SUCLG2: variants seen among roughly 807,000 people sequenced by gnomAD.
The protein encoded by SUCLG2 is succinate-CoA ligase GDP-forming subunit beta, also known as succinate--CoA ligase [GDP-forming] subunit beta, mitochondrial.
A neutral mutation model predicts 47.9 loss-of-function variants in SUCLG2; 42 were observed. The observed-to-expected ratio is 0.88, with a 90% CI of 0.69 to 1.14. SUCLG2 has a LOEUF of 1.14. SUCLG2 is among the 50% of genes most tolerant of loss of function. The pLI, the probability that SUCLG2 is intolerant of heterozygous loss-of-function variation, is 0.00. For synonymous variants in SUCLG2, 195 were observed against 197.3 expected (o/e 0.99, Z 0.10); for missense variants, 571 against 525.9 (o/e 1.09, Z -0.84).
intron 9 of SUCLG2, among the ~76,000 whole-genome samples, chr3:67,448,144 A>C (rs1187189687): frequency 2.6e-5 from 4 of 152,224 alleles, no homozygotes; most frequent in African/African-American, 9.6e-5. Flanking sequence ...TATAGATGAT[A>C]TTCACTGGAT....
chr3:67,451,537 T>C lies in SUCLG2; in HGVS notation c.1062+44261A>G, dbSNP rs1003254758. Reference sequence around the variant, plus strand: ...GCTAGGTACAGGCAAATTCACATTTTGTTGTCCTAGCAGTTATCTCTTTTC... The same window carrying C: ...GCTAGGTACAGGCAAATTCACATTTCGTTGTCCTAGCAGTTATCTCTTTTC... On this transcript the variant is annotated intron_variant, in intron 9 of 10. Transcript: ENST00000307227. 6.6e-5 allele frequency among the ~76,000 whole-genome samples: 10 copies of C among 152,270 alleles called. No homozygotes were observed. In the East Asian group the frequency reaches 1.7e-3, roughly 26 times the overall value.
intron 10 of SUCLG2, among the ~76,000 whole-genome samples, chr3:67,386,619 G>A (rs540996592): frequency 5.6e-4 from 86 of 152,242 alleles, no homozygotes; most frequent in Admixed American, 7.8e-4. Context: ...ATGTGTAGGG[G>A]AATTCCCCTT....
At chr3:67,611,981 C>T (rs898010266) in intron 1 of SUCLG2, among the ~76,000 whole-genome samples, 2 of 152,198 alleles carry the variant, frequency 1.3e-5, no homozygotes, top group African/African-American at 2.4e-5. Flanking sequence ...AGAATAATCA[C>T]CTATTTTTGT....
intron 2 of SUCLG2, among the ~76,000 whole-genome samples, chr3:67,597,346 T>G (rs1708317273): frequency 6.6e-6 from 1 of 152,196 alleles, no homozygotes; most frequent in African/African-American, 2.4e-5. Flanking sequence ...TCACTGGGTA[T>G]GTATACACCA....
chr3:67,509,389 A>G (rs1379099733), intron 6 of SUCLG2, among the ~76,000 whole-genome samples: 1 of 152,096 alleles, frequency 6.6e-6, no homozygotes, highest in East Asian at 1.9e-4. Context: ...ATTGTTGCAA[A>G]ACAGGAAGAT....
At chr3:67,368,417 C>A (rs1203360593) in intron 10 of SUCLG2, among the ~76,000 whole-genome samples, 2 of 152,062 alleles carry the variant, frequency 1.3e-5, no homozygotes, top group African/African-American at 2.4e-5. Flanking sequence ...AAATCACTTT[C>A]ATTTTTAGTT....
In SUCLG2 at chr3:67,393,693, A is replaced by G. The variant is rs1575666103; in HGVS notation, c.1183+7038T>C. On this transcript the variant is annotated intron_variant, in intron 10 of 10. Transcript: ENST00000307227. ...AGTGGTTCTCCTGGCACGCAGCTGGAGATCTGAGAACGGGCAGACTGCCTC... is the reference window on the plus strand; with the variant it reads ...AGTGGTTCTCCTGGCACGCAGCTGGGGATCTGAGAACGGGCAGACTGCCTC... 2.0e-5 allele frequency among the ~76,000 whole-genome samples: 3 copies of G among 152,204 alleles called. No individual in the cohort carries two copies. In the East Asian group the frequency reaches 5.8e-4, roughly 29 times the overall value.
intron 1 of SUCLG2, among the ~76,000 whole-genome samples, chr3:67,645,789 T>C (rs751369589): frequency 4.0e-5 from 6 of 151,866 alleles, no homozygotes; most frequent in Admixed American, 2.0e-4. Flanking sequence ...CTATGAGAAC[T>C]GGTTTTCCCC....
rs145771943 is a variant in SUCLG2 at position 67,576,900 on chromosome 3, T to C, written c.226+32555A>G. Among the ~76,000 whole-genome samples, 140 of 150,768 alleles carry C rather than the reference T, an allele frequency of 9.3e-4. 1 individual carries two copies. Among genetic ancestry groups the C allele is most frequent in the African/African-American group, 3.3e-3 (136 of 41,318 alleles). On this transcript the variant is annotated intron_variant, in intron 2 of 10. Coordinates refer to ENST00000307227, the MANE Select transcript of SUCLG2 (RefSeq NM_003848.4). Reference sequence around the variant, plus strand: ...GCTTCAAATAAACTTCACTTGTCAATATCAGTCATTTAATTTTTATTTTAT... The same window carrying C: ...GCTTCAAATAAACTTCACTTGTCAACATCAGTCATTTAATTTTTATTTTAT...
At chr3:67,369,645 C>T (rs1410588076) in intron 10 of SUCLG2, among the ~76,000 whole-genome samples, 1 of 152,204 alleles carries the variant, frequency 6.6e-6, no homozygotes. Flanking sequence ...CTGCACCATG[C>T]TGTCTCCTCT....
At chr3:67,539,985 G>C (rs188985800) in intron 2 of SUCLG2, among the ~76,000 whole-genome samples, 1 of 150,882 alleles carries the variant, frequency 6.6e-6, no homozygotes, top group African/African-American at 2.4e-5. Context: ...TATCTATTTT[G>C]TTAGCCTTTT....
At chr3:67,563,507 T>C (rs959501119) in intron 2 of SUCLG2, among the ~76,000 whole-genome samples, 2 of 152,154 alleles carry the variant, frequency 1.3e-5, no homozygotes, top group Non-Finnish European at 2.9e-5. Flanking sequence ...TTGAAAAGAA[T>C]GAAGCTGTTC....
chr3:67,610,287 A>T (rs1700504514), intron 1 of SUCLG2, among the ~76,000 whole-genome samples: 2 of 152,194 alleles, frequency 1.3e-5, no homozygotes, highest in Non-Finnish European at 2.9e-5. Flanking sequence ...TGAAAGACTG[A>T]CTATTAATTA....
chr3:67,554,323 T>C (rs553780803), intron 2 of SUCLG2, among the ~76,000 whole-genome samples: 2 of 152,362 alleles, frequency 1.3e-5, no homozygotes, highest in South Asian at 4.1e-4. Flanking sequence ...TGTTGTTTTG[T>C]TGGAGTGTTG....
intron 7 of SUCLG2, among the ~76,000 whole-genome samples, chr3:67,505,953 C>A (rs150650532): frequency 0.018 from 2,724 of 151,820 alleles, 34 homozygotes; most frequent in Non-Finnish European, 0.03. Context: ...CAGAGTGAGA[C>A]CCTGTCTCAA....
downstream of SUCLG2, among the ~76,000 whole-genome samples, chr3:67,372,549 G>T (rs1701969257): frequency 6.6e-6 from 1 of 152,198 alleles, no homozygotes; most frequent in Non-Finnish European, 1.5e-5. Context: ...CAATGCACCT[G>T]TGAGCAGTTA....
chr3:67,448,206 C>T lies in SUCLG2; in HGVS notation c.1063-47355G>A, dbSNP rs1703973185. 1.3e-5 allele frequency among the ~76,000 whole-genome samples: 2 copies of T among 151,958 alleles called. 1 individual carries two copies. Among genetic ancestry groups the T allele is most frequent in the South Asian group, 4.1e-4 (2 of 4,826 alleles). ...TAACTTAATAGCCATCAAGATGGGA[C>T]TTGGTAATACATTATCATTCATTTT... On this transcript the variant is annotated intron_variant, in intron 9 of 10. Transcript: ENST00000307227.
intron 2 of SUCLG2, among the ~76,000 whole-genome samples, chr3:67,573,715 T>A (rs1455544604): frequency 6.6e-6 from 1 of 152,134 alleles, no homozygotes; most frequent in Non-Finnish European, 1.5e-5. Context: ...AACCTGGGAT[T>A]CAAACGGCCT....
At chr3:67,523,103 A>G (rs969553636) in intron 4 of SUCLG2, among the ~76,000 whole-genome samples, 3 of 152,118 alleles carry the variant, frequency 2.0e-5, no homozygotes, top group African/African-American at 7.2e-5. Context: ...CTTTTTTTAC[A>G]AGTAGTTTAG....
Sources: allele counts gnomAD v4.1 joint callset (sites outside exome capture counted in the v4.1 genomes callset), GRCh38; gene constraint gnomAD v4.1.1; transcripts MANE v1.5; gene names NCBI Gene and HGNC (gene_info 2026-07-23, HGNC 2026-07-21).